ACTR3C: variants seen among roughly 807,000 people sequenced by gnomAD.
The protein encoded by ACTR3C is actin-related protein 3C.
Under a neutral mutation model 26.3 loss-of-function variants are expected in ACTR3C, and 18 were observed. The observed-to-expected ratio is 0.68, with a 90% confidence interval of 0.47 to 1.01. The LOEUF (loss-of-function observed/expected upper bound fraction) is 1.01, where lower values mean the gene tolerates loss of function less well. Among genes scored for constraint, ACTR3C ranks in the 50% least tolerant of loss-of-function variants. ACTR3C has a pLI of 0.00. For missense variants in ACTR3C, 184 were observed against 250.7 expected, an observed-to-expected ratio of 0.73 and a Z score of 1.80; for synonymous variants, 55 against 94.5, an observed-to-expected ratio of 0.58 and a Z score of 2.42.
the ACTR3C span, among the ~76,000 whole-genome samples, chr7:149,912,927 C>T: frequency 6.6e-6 from 1 of 152,278 alleles, no homozygotes; most frequent in East Asian, 1.9e-4. Flanking sequence ...TAATATCTTT[C>T]CATTTTCCTG....
the ACTR3C span, among the ~76,000 whole-genome samples, chr7:150,016,564 A>G: frequency 6.6e-6 from 1 of 152,034 alleles, no homozygotes; most frequent in Admixed American, 6.5e-5. Context: ...GGATATTTCC[A>G]CTGCATGTTT....
At chr7:149,889,683 C>G in the ACTR3C span, among the ~76,000 whole-genome samples, 1 of 151,994 alleles carries the variant, frequency 6.6e-6, no homozygotes, top group Non-Finnish European at 1.5e-5. Flanking sequence ...GCAACCCCAC[C>G]CCATCTCCAC....
At chr7:150,081,562 T>G in the ACTR3C span, among the ~76,000 whole-genome samples, 1 of 151,480 alleles carries the variant, frequency 6.6e-6, no homozygotes, top group Non-Finnish European at 1.5e-5. Flanking sequence ...ACAGTCATTT[T>G]TCTTCACAAG....
chr7:150,313,190 C>CT (rs1554471117), intron 1 of ACTR3C, among the ~76,000 whole-genome samples: 2 of 152,220 alleles, frequency 1.3e-5, no homozygotes, highest in African/African-American at 4.8e-5. Flanking sequence ...CGCTGACTCT[C>CT]TTTTCAGACT....
At chr7:149,906,412 CTTTTTTTTTTTTTTTTTTTTTTT>C in the ACTR3C span, among the ~76,000 whole-genome samples, 5 of 72,104 alleles carry the variant, frequency 6.9e-5, no homozygotes, top group Non-Finnish European at 5.3e-5. Flanking sequence ...GGGTTTGTTT[CTTTTTTTTTTTTTTTTTTTTTTT>C]TTTTTTTTTT....
the ACTR3C span, among the ~76,000 whole-genome samples, chr7:150,173,893 G>T: frequency 6.8e-6 from 1 of 147,170 alleles, no homozygotes; most frequent in African/African-American, 2.7e-5. Context: ...CACAACAAGA[G>T]TCACCTTTGC....
chr7:150,156,335 T>C, the ACTR3C span, among the ~76,000 whole-genome samples: 1 of 152,088 alleles, frequency 6.6e-6, no homozygotes, highest in African/African-American at 2.4e-5. Flanking sequence ...CAAAAGAAAG[T>C]AATCTTGAAT....
the ACTR3C span, among the ~76,000 whole-genome samples, chr7:150,059,314 T>C: frequency 0.42 from 63,585 of 152,060 alleles, 14,107 homozygotes; most frequent in East Asian, 0.64. Context: ...TTAAAACACA[T>C]ATGGCCGCCT....
the ACTR3C span, among the ~76,000 whole-genome samples, chr7:149,980,464 T>C: frequency 5.9e-5 from 9 of 152,116 alleles, no homozygotes; most frequent in Non-Finnish European, 1.0e-4. Flanking sequence ...GAACAAGGGG[T>C]GTATTCAAAA....
At chr7:150,148,342 T>C in the ACTR3C span, among the ~76,000 whole-genome samples, 1 of 152,080 alleles carries the variant, frequency 6.6e-6, no homozygotes, top group Non-Finnish European at 1.5e-5. Context: ...CCAGGCGTGG[T>C]GGCATGCACC....
At chr7:150,060,626 C>T in the ACTR3C span, among the ~76,000 whole-genome samples, 4 of 152,218 alleles carry the variant, frequency 2.6e-5, no homozygotes. Context: ...ACAAAAAGAA[C>T]CTTATAAAAG....
chr7:150,308,571 C>T (rs370773901), intron 1 of ACTR3C, among the ~76,000 whole-genome samples: 123 of 152,132 alleles, frequency 8.1e-4, no homozygotes, highest in African/African-American at 2.4e-3. Context: ...CTCTCCTGTC[C>T]GCTTCTTCAG....
chr7:150,273,619 G>A (rs1051725214), intron 6 of ACTR3C, among the ~76,000 whole-genome samples: 4 of 150,200 alleles, frequency 2.7e-5, no homozygotes, highest in African/African-American at 1.0e-4. Flanking sequence ...GTTTACTTTC[G>A]CAGTTTAACA....
At chr7:150,306,743 A>T (rs924772637) in intron 1 of ACTR3C, among the ~76,000 whole-genome samples, 5 of 152,220 alleles carry the variant, frequency 3.3e-5, no homozygotes, top group African/African-American at 1.2e-4. Context: ...AAGCAGCTTC[A>T]CTTCTAGGTG....
At chr7:150,000,297 C>T in the ACTR3C span, among the ~76,000 whole-genome samples, 92 of 138,208 alleles carry the variant, frequency 6.7e-4, no homozygotes, top group African/African-American at 2.3e-3. Flanking sequence ...TCAATAGCAC[C>T]TTATGCACAC....
chr7:150,083,153 A>G, the ACTR3C span, among the ~76,000 whole-genome samples: 6 of 151,152 alleles, frequency 4.0e-5, no homozygotes, highest in East Asian at 9.9e-4. Flanking sequence ...GGCCCGTACT[A>G]TGTTGTCCAG....
At chr7:150,008,055 G>A in the ACTR3C span, among the ~76,000 whole-genome samples, 1 of 152,068 alleles carries the variant, frequency 6.6e-6, no homozygotes, top group Non-Finnish European at 1.5e-5. Context: ...CGTCTTAAAC[G>A]AAAGAAAAAA....
chr7:150,040,621 T>C, the ACTR3C span: 1 of 146,652 alleles, frequency 6.8e-6, no homozygotes, highest in South Asian at 2.2e-4. Flanking sequence ...CGAGCTGCGT[T>C]CGGACCCATG....
the ACTR3C span, among the ~76,000 whole-genome samples, chr7:149,984,219 T>C: frequency 6.6e-6 from 1 of 152,118 alleles, no homozygotes; most frequent in East Asian, 1.9e-4. Context: ...TTTTTCTTTT[T>C]TTGAGATGGA....
Sources: allele counts gnomAD v4.1 joint callset (sites outside exome capture counted in the v4.1 genomes callset), GRCh38; gene constraint gnomAD v4.1.1; transcripts MANE v1.5; gene names NCBI Gene and HGNC (gene_info 2026-07-23, HGNC 2026-07-21).